The following GTF2B variants were observed in gnomAD, a reference collection of about 807,000 sequenced individuals.
GTF2B encodes general transcription factor IIB.
In GTF2B, 20 loss-of-function variants were observed where a neutral mutation model predicts 34.6. The ratio of observed to expected loss-of-function variants is 0.58; its 90% CI spans 0.41 to 0.84. GTF2B has a LOEUF of 0.84. Among genes scored for constraint, GTF2B ranks in the 40% least tolerant of loss-of-function variants. The pLI is 0.00. For missense variants in GTF2B, 237 were observed against 393.3 expected, an observed-to-expected ratio of 0.60 and a Z score of 3.36; for synonymous variants, 142 against 132.4, an observed-to-expected ratio of 1.07 and a Z score of -0.50.
chr1:88,887,967 T>C (rs1189253825), intron 1 of GTF2B: 1 of 152,280 alleles, frequency 6.6e-6, no homozygotes, highest in African/African-American at 2.4e-5. Context: ...TCTGTGATAT[T>C]AATAATTAGC....
At chr1:88,890,459 T>C (rs1340900601) in intron 1 of GTF2B, among the ~76,000 whole-genome samples, 1 of 152,238 alleles carries the variant, frequency 6.6e-6, no homozygotes, top group Non-Finnish European at 1.5e-5. Context: ...ACTGTGAAAT[T>C]AACCAATTCC....
At chr1:88,861,830 T>C (rs1183617124) in intron 3 of GTF2B, among the ~76,000 whole-genome samples, 1 of 151,928 alleles carries the variant, frequency 6.6e-6, no homozygotes, top group Non-Finnish European at 1.5e-5. Context: ...AGACCCTGTC[T>C]CAAAAGAAGA....
chr1:88,856,286 A>AAAAAAAAAAAAAAAAAAAAAG (rs1673309323), intron 6 of GTF2B, among the ~76,000 whole-genome samples: 2 of 100,574 alleles, frequency 2.0e-5, no homozygotes, highest in African/African-American at 6.4e-5. Flanking sequence ...AAAAAAAAAA[A>AAAAAAAAAAAAAAAAAAAAAG]AAAACAAAAA....
intron 2 of GTF2B, 81 bp downstream of exon 2, chr1:88,887,180 A>G: frequency 1.2e-6 from 1 of 864,154 alleles, no homozygotes. Flanking sequence ...TGGCCTCCCG[A>G]AGTGCTGGAA....
intron 2 of GTF2B, among the ~76,000 whole-genome samples, chr1:88,885,325 A>C (rs1674040261): frequency 6.6e-6 from 1 of 152,094 alleles, no homozygotes; most frequent in African/African-American, 2.4e-5. Flanking sequence ...CTGTAATCCC[A>C]GCTATTCGGG....
intron 2 of GTF2B, among the ~76,000 whole-genome samples, chr1:88,871,936 T>C (rs534976920): frequency 1.3e-4 from 19 of 151,942 alleles, no homozygotes; most frequent in Non-Finnish European, 2.5e-4. Flanking sequence ...TTTCACCACG[T>C]TGGCCAGGCT....
At chr1:88,870,817 T>C (rs1673674093) in intron 2 of GTF2B, among the ~76,000 whole-genome samples, 1 of 151,980 alleles carries the variant, frequency 6.6e-6, no homozygotes, top group Admixed American at 6.6e-5. Context: ...TATTCTACTC[T>C]AAGTATCTTA....
chr1:88,860,151 G>C lies in GTF2B; in HGVS notation c.394C>G (p.Arg132Gly). 6.2e-7 allele frequency: 1 copy of C among 1,614,026 alleles called. No individual in the cohort carries two copies. The highest frequency in any genetic ancestry group is 1.3e-5 in the African/African-American group (1 of 75,040). The change falls in exon 4 of 7, where the codon CGA (arginine) becomes GGA (glycine). Residue 132 changes from arginine to glycine, a missense_variant. Transcript: ENST00000370500. ...AGACAAGAACTTACAACTATATTTC[G>C]AGGTAGATTGATTCTGTCTGCCATG... ...TTMADRINLPRNIVDRTNNLF... is the reference protein window; with the variant it reads ...TTMADRINLPGNIVDRTNNLF...
At chr1:88,854,110 A>AT (rs1673249943) in intron 6 of GTF2B, among the ~76,000 whole-genome samples, 1 of 152,184 alleles carries the variant, frequency 6.6e-6, no homozygotes. Context: ...TACTCCACAA[A>AT]TATGTTCTTG....
intron 2 of GTF2B, among the ~76,000 whole-genome samples, chr1:88,883,757 T>TTA (rs1393702274): frequency 6.6e-6 from 1 of 152,168 alleles, no homozygotes; most frequent in Non-Finnish European, 1.5e-5. Flanking sequence ...ACAAGGTAGA[T>TTA]TAAAGTCTTC....
intron 3 of GTF2B, among the ~76,000 whole-genome samples, chr1:88,863,683 A>C (rs951185410): frequency 6.6e-6 from 1 of 152,146 alleles, no homozygotes; most frequent in Non-Finnish European, 1.5e-5. Flanking sequence ...TTCAAAGAAC[A>C]TATCAATATT....
intron 2 of GTF2B, among the ~76,000 whole-genome samples, chr1:88,871,393 C>T (rs986479961): frequency 6.6e-6 from 1 of 152,174 alleles, no homozygotes; most frequent in Non-Finnish European, 1.5e-5. Flanking sequence ...AAGCTTCTTA[C>T]ACCATCCTTA....
intron 6 of GTF2B, 23 bp from the exon 7 acceptor site, chr1:88,853,369 T>C: frequency 6.2e-7 from 1 of 1,604,876 alleles, no homozygotes; most frequent in Non-Finnish European, 8.5e-7. Flanking sequence ...AATCGAAACA[T>C]TAACCATCAT....
chr1:88,881,762 T>C (rs946698725), intron 2 of GTF2B, among the ~76,000 whole-genome samples: 5 of 152,208 alleles, frequency 3.3e-5, no homozygotes, highest in African/African-American at 1.2e-4. Context: ...TTATTGGATA[T>C]GTTTTTCAGA....
intron 2 of GTF2B, among the ~76,000 whole-genome samples, chr1:88,869,321 C>T (rs1197463257): frequency 6.6e-6 from 1 of 152,040 alleles, no homozygotes. Flanking sequence ...GGAACCAGTC[C>T]CCCACAGATA....
intron 2 of GTF2B, among the ~76,000 whole-genome samples, chr1:88,872,455 TAAAAAAAAAAAAAAAAAAA>T (rs34668666): frequency 1.3e-5 from 1 of 74,836 alleles, no homozygotes; most frequent in African/African-American, 4.6e-5. Flanking sequence ...TCCATCTCAA[TAAAAAAAAAAAAAAAAAAA>T]AAAAAAAAGA....
chr1:88,887,183 T>C (rs1056317722), intron 2 of GTF2B, 78 bp downstream of exon 2: 7 of 887,278 alleles, frequency 7.9e-6, no homozygotes, highest in African/African-American at 1.7e-5. Flanking sequence ...CCTCCCGAAG[T>C]GCTGGAATTA....
At chr1:88,872,629 T>C (rs531778773) in intron 2 of GTF2B, among the ~76,000 whole-genome samples, 75 of 152,244 alleles carry the variant, frequency 4.9e-4, no homozygotes, top group African/African-American at 1.8e-3. Context: ...TATTCTCTTT[T>C]ATCTTATTCA....
chr1:88,882,310 C>CAAAAAAAAAAA (rs59699371), intron 2 of GTF2B, among the ~76,000 whole-genome samples: 3 of 36,016 alleles, frequency 8.3e-5, no homozygotes, highest in African/African-American at 2.4e-4. Context: ...ACTCTCACTC[C>CAAAAAAAAAAA]AAAAAAAAAA....
Sources: gnomAD v4.1 joint callset for allele counts (sites outside exome capture counted in the v4.1 genomes callset) on GRCh38, gnomAD v4.1.1 for gene constraint, MANE v1.5 for transcripts, NCBI Gene and HGNC (gene_info 2026-07-23, HGNC 2026-07-21) for gene names.